UNC13C: variants seen among roughly 807,000 people sequenced by gnomAD.
The protein encoded by UNC13C is unc-13 homolog C, also known as protein unc-13 homolog C.
A neutral mutation model predicts 245.4 loss-of-function variants in UNC13C; 174 were observed. The ratio of observed to expected loss-of-function variants is 0.71; its 90% CI spans 0.63 to 0.80. UNC13C has a LOEUF of 0.80. Among genes scored for constraint, UNC13C ranks in the 30% least tolerant of loss-of-function variants. UNC13C has a pLI of 0.00. For missense variants in UNC13C, 2,829 were observed against 2,602.9 expected (o/e 1.09, Z -1.89); for synonymous variants, 992 against 895.1 (o/e 1.11, Z -1.93).
intron 4 of UNC13C, among the ~76,000 whole-genome samples, chr15:54,175,403 T>C (rs1376678984): frequency 1.3e-5 from 2 of 151,980 alleles, no homozygotes; most frequent in East Asian, 3.9e-4. Flanking sequence ...ACCATAACTA[T>C]AAAACAGTAA....
chr15:54,220,712 G>A (rs60183354), intron 4 of UNC13C, among the ~76,000 whole-genome samples: 21,871 of 151,928 alleles, frequency 0.14, 1,868 homozygotes, highest in South Asian at 0.22. Context: ...TGTAAATGTA[G>A]TTAAAAGTAC....
intron 24 of UNC13C, among the ~76,000 whole-genome samples, chr15:54,519,834 C>T (rs948848884): frequency 6.6e-6 from 1 of 152,070 alleles, no homozygotes; most frequent in African/African-American, 2.4e-5. Flanking sequence ...TAGGGCATTT[C>T]CAGGAAAGTA....
the UNC13C span, among the ~76,000 whole-genome samples, chr15:53,936,782 A>G: frequency 1.3e-5 from 2 of 152,322 alleles, no homozygotes; most frequent in African/African-American, 4.8e-5. Flanking sequence ...CAGCAGCCCT[A>G]TGGTTGCTAA....
intron 2 of UNC13C, among the ~76,000 whole-genome samples, chr15:54,073,004 T>C (rs1898406033): frequency 1.3e-5 from 2 of 152,098 alleles, no homozygotes; most frequent in Non-Finnish European, 2.9e-5. Context: ...CTACATTAGG[T>C]ATGTCTCCTA....
intron 2 of UNC13C, among the ~76,000 whole-genome samples, chr15:54,055,405 A>T (rs1897465888): frequency 6.6e-6 from 1 of 152,156 alleles, no homozygotes; most frequent in Admixed American, 6.6e-5. Flanking sequence ...GCTTACCTTG[A>T]AAAAATATAT....
At chr15:54,122,053 T>A (rs2030704289) in intron 2 of UNC13C, among the ~76,000 whole-genome samples, 1 of 152,056 alleles carries the variant, frequency 6.6e-6, no homozygotes, top group Admixed American at 6.6e-5. Context: ...GCTTTGGACT[T>A]TTTAATGTAG....
chr15:53,901,987 A>G, the UNC13C span, among the ~76,000 whole-genome samples: 6 of 152,088 alleles, frequency 3.9e-5, no homozygotes, highest in African/African-American at 9.7e-5. Context: ...ATTTTCCTCA[A>G]TGGAAGAAAT....
the UNC13C span, among the ~76,000 whole-genome samples, chr15:53,970,226 C>T: frequency 1.9e-4 from 29 of 152,020 alleles, no homozygotes; most frequent in African/African-American, 7.0e-4. Context: ...TGCACCGCCA[C>T]TCCTGGCTAA....
In UNC13C at chr15:54,627,387, TTAAACATAATTTTTAAAAACTAGTC is replaced by T. The variant is rs1901251725; in HGVS notation, c.*276_*300del. 3.9e-6 allele frequency: 1 copy of T among 254,506 alleles called. No individual in the cohort carries two copies. Among genetic ancestry groups the T allele is most frequent in the South Asian group, 1.2e-4 (1 of 8,182 alleles). The allele number at this position is 254,506 out of a possible 1,614,324, so 15.8% of individuals were successfully genotyped here. A position where few individuals can be genotyped will look rare whatever the true frequency, so the allele number is the denominator to read the frequency against. On this transcript the variant is annotated 3_prime_UTR_variant, in exon 33 of 33. Coordinates refer to ENST00000260323, the MANE Select transcript of UNC13C (RefSeq NM_001080534.3). ...TGTTTCTTTACCCATTTCACATTCA[TTAAACATAATTTTTAAAAACTAGTC>T]TTTTGAGTTTGCCCATCAGTTGTCT...
intron 19 of UNC13C, among the ~76,000 whole-genome samples, chr15:54,492,931 G>A (rs114287736): frequency 2.0e-5 from 3 of 152,330 alleles, no homozygotes; most frequent in African/African-American, 7.2e-5. Context: ...AATCATAAGA[G>A]TAGGTGGTGT....
At chr15:54,286,673 T>C (rs16974439) in intron 10 of UNC13C, among the ~76,000 whole-genome samples, 10,263 of 152,180 alleles carry the variant, frequency 0.067, 1,194 homozygotes, top group African/African-American at 0.24. Context: ...TCTGAAAATA[T>C]TTGCAAAGGT....
intron 1 of UNC13C, among the ~76,000 whole-genome samples, chr15:53,999,233 A>T (rs1452473862): frequency 1.3e-5 from 2 of 151,900 alleles, no homozygotes; most frequent in African/African-American, 4.8e-5. Context: ...AGCTTTCTTT[A>T]TGGAAGATAT....
At chr15:53,966,039 A>G in the UNC13C span, among the ~76,000 whole-genome samples, 1 of 152,252 alleles carries the variant, frequency 6.6e-6, no homozygotes, top group Middle Eastern at 3.4e-3. Context: ...ACTTTTATCT[A>G]TAGGTTTCCC....
chr15:54,285,398 G>C (rs954115800), intron 10 of UNC13C, among the ~76,000 whole-genome samples: 1 of 152,160 alleles, frequency 6.6e-6, no homozygotes, highest in African/African-American at 2.4e-5. Context: ...AATAGTGTTA[G>C]GGATCTTCAT....
the UNC13C span, among the ~76,000 whole-genome samples, chr15:53,923,800 A>G: frequency 6.6e-6 from 1 of 152,342 alleles, no homozygotes; most frequent in South Asian, 2.1e-4. Flanking sequence ...CTTTCCTCCC[A>G]CGCTTAGCAC....
chr15:54,580,134 C>A (rs970994454), intron 30 of UNC13C, among the ~76,000 whole-genome samples: 1 of 152,176 alleles, frequency 6.6e-6, no homozygotes, highest in Non-Finnish European at 1.5e-5. Context: ...TGAGCCACCA[C>A]GCCTGTTTTT....
At chr15:54,478,311 T>G (rs1231340723) in intron 19 of UNC13C, among the ~76,000 whole-genome samples, 6 of 129,532 alleles carry the variant, frequency 4.6e-5, no homozygotes. Flanking sequence ...TCTATTTCCT[T>G]CTGTTCTGCT....
At chr15:54,114,212 C>A (rs2030047234) in intron 2 of UNC13C, among the ~76,000 whole-genome samples, 1 of 152,194 alleles carries the variant, frequency 6.6e-6, no homozygotes, top group Admixed American at 6.5e-5. Flanking sequence ...CCTATGATCC[C>A]AATAGCCTGC....
chr15:54,073,044 C>A (rs144097009), intron 2 of UNC13C, among the ~76,000 whole-genome samples: 2 of 152,026 alleles, frequency 1.3e-5, no homozygotes, highest in Non-Finnish European at 1.5e-5. Context: ...CCTCCACCCC[C>A]CGACAGGCCC....
Sources: allele counts gnomAD v4.1 joint callset (sites outside exome capture counted in the v4.1 genomes callset), GRCh38; gene constraint gnomAD v4.1.1; transcripts MANE v1.5; gene names NCBI Gene and HGNC (gene_info 2026-07-23, HGNC 2026-07-21).